SLC30A8: variants seen among roughly 807,000 people sequenced by gnomAD.
The protein encoded by SLC30A8 is solute carrier family 30 member 8.
SLC30A8 carries 27 observed loss-of-function variants against 36.9 expected under a neutral mutation model. The ratio of observed to expected loss-of-function variants is 0.73; its 90% confidence interval spans 0.54 to 1.01. The LOEUF is 1.01. Among genes scored for constraint, SLC30A8 ranks in the 50% least tolerant of loss-of-function variants. The probability of loss-of-function intolerance (pLI) is 0.00; values close to 1 mark genes in which losing one functional copy is unlikely to be tolerated. For synonymous variants in SLC30A8, 164 were observed against 172.4 expected, an observed-to-expected ratio of 0.95 and a Z score of 0.38; for missense variants, 439 against 452.0, an observed-to-expected ratio of 0.97 and a Z score of 0.26.
intron 2 of SLC30A8, chr8:117,129,989 T>G (rs1046020080): frequency 6.6e-6 from 1 of 151,968 alleles, no homozygotes; most frequent in Non-Finnish European, 1.5e-5. Flanking sequence ...AGTTTAGGGT[T>G]GCAAAAGGTG....
At chr8:116,988,276 AG>A (rs1563736400) in intron 1 of SLC30A8, among the ~76,000 whole-genome samples, 1 of 152,222 alleles carries the variant, frequency 6.6e-6, no homozygotes, top group Non-Finnish European at 1.5e-5. Flanking sequence ...AAGATATTTT[AG>A]GGTAAGCTCC....
At chr8:117,119,334 G>GC (rs1286380433) in intron 2 of SLC30A8, among the ~76,000 whole-genome samples, 1 of 151,852 alleles carries the variant, frequency 6.6e-6, no homozygotes, top group Non-Finnish European at 1.5e-5. Context: ...TCTTTGGGGA[G>GC]TCGGTCCATA....
At chr8:116,994,067 A>G (rs1351748947) in intron 1 of SLC30A8, among the ~76,000 whole-genome samples, 1 of 152,008 alleles carries the variant, frequency 6.6e-6, no homozygotes, top group African/African-American at 2.4e-5. Context: ...AAGAAAGAAA[A>G]AAAGCACACT....
At chr8:117,146,345 A>G (rs529705668) in intron 1 of SLC30A8, among the ~76,000 whole-genome samples, 8 of 152,334 alleles carry the variant, frequency 5.3e-5, no homozygotes, top group Admixed American at 5.2e-4. Flanking sequence ...ATGAATCTAA[A>G]TCATGCTTTG....
intron 2 of SLC30A8, among the ~76,000 whole-genome samples, chr8:117,073,912 T>C (rs1282094111): frequency 6.6e-6 from 1 of 151,916 alleles, no homozygotes; most frequent in East Asian, 1.9e-4. Flanking sequence ...CCTGACAGTC[T>C]ACTCATTCTG....
chr8:117,162,929 C>T (rs769817287), intron 5 of SLC30A8, among the ~76,000 whole-genome samples: 11 of 152,182 alleles, frequency 7.2e-5, no homozygotes, highest in Non-Finnish European at 1.3e-4. Context: ...TGAGTATGTG[C>T]AATACTTGAG....
chr8:117,003,200 G>A (rs1243015319), intron 1 of SLC30A8, among the ~76,000 whole-genome samples: 1 of 152,182 alleles, frequency 6.6e-6, no homozygotes, highest in Non-Finnish European at 1.5e-5. Flanking sequence ...TAAGACCACA[G>A]TGGTTAATAT....
intron 2 of SLC30A8, among the ~76,000 whole-genome samples, chr8:117,051,046 A>G (rs1817691226): frequency 6.6e-6 from 1 of 152,250 alleles, no homozygotes; most frequent in South Asian, 2.1e-4. Flanking sequence ...TGGTCAAATA[A>G]GAGTCTCAAA....
At chr8:117,024,792 GT>G (rs200170506) in intron 1 of SLC30A8, among the ~76,000 whole-genome samples, 1 of 151,654 alleles carries the variant, frequency 6.6e-6, no homozygotes, top group Non-Finnish European at 1.5e-5. Flanking sequence ...ATCATTATTT[GT>G]TTTTTTTAAT....
chr8:117,006,772 ATTTTTTTTTTTT>A (rs71305456), intron 1 of SLC30A8, among the ~76,000 whole-genome samples: 46 of 78,966 alleles, frequency 5.8e-4, no homozygotes, highest in Admixed American at 1.7e-4. Context: ...GAGTCAGGTA[ATTTTTTTTTTTT>A]TTTTTTTTTT....
intron 1 of SLC30A8, among the ~76,000 whole-genome samples, chr8:116,958,840 CAT>C (rs1814309670): frequency 2.8e-5 from 2 of 72,698 alleles, no homozygotes; most frequent in African/African-American, 1.1e-4. Context: ...ATGCTCTTTT[CAT>C]TTTTTTTTTT....
rs779785075 is a variant in SLC30A8, at chr8:116,990,436, C to T, written c.-266+39317C>T. 1.3e-4 allele frequency among the ~76,000 whole-genome samples: 20 copies of T among 152,276 alleles called. No individual in the cohort carries two copies. In the South Asian group the frequency reaches 3.9e-3, roughly 30 times the overall value. On this transcript the variant is annotated intron_variant, in intron 1 of 10. Transcript: ENST00000427715. Reference sequence around the variant, plus strand: ...TTTCCGATATCATGTAGCCTCTTCACCTTGTTGTATTTCTCCCTAAAACTT... The same window carrying T: ...TTTCCGATATCATGTAGCCTCTTCATCTTGTTGTATTTCTCCCTAAAACTT...
chr8:117,061,745 C>G (rs535493495), intron 2 of SLC30A8, among the ~76,000 whole-genome samples: 7 of 152,220 alleles, frequency 4.6e-5, no homozygotes, highest in Admixed American at 1.3e-4. Context: ...CAGCTATCAG[C>G]TTTGTCTGTG....
chr8:116,960,026 C>G (rs1328459932), intron 1 of SLC30A8, among the ~76,000 whole-genome samples: 1 of 152,208 alleles, frequency 6.6e-6, no homozygotes, highest in African/African-American at 2.4e-5. Flanking sequence ...TGCATTGAAG[C>G]CTCGAACTTC....
chr8:116,955,848 A>G (rs1814178779), intron 1 of SLC30A8, among the ~76,000 whole-genome samples: 1 of 152,158 alleles, frequency 6.6e-6, no homozygotes, highest in South Asian at 2.1e-4. Flanking sequence ...CAGAGGACTA[A>G]CCCTGCTGAC....
At chr8:116,992,630 C>T (rs1238341754) in intron 1 of SLC30A8, among the ~76,000 whole-genome samples, 2 of 152,064 alleles carry the variant, frequency 1.3e-5, no homozygotes, top group Non-Finnish European at 2.9e-5. Context: ...TGCAGTCTCT[C>T]TATGAGGAGC....
At chr8:117,025,203 T>G (rs979456735) in intron 1 of SLC30A8, among the ~76,000 whole-genome samples, 1 of 152,202 alleles carries the variant, frequency 6.6e-6, no homozygotes, top group Non-Finnish European at 1.5e-5. Context: ...TAATGTGTGC[T>G]CCATGAAACA....
Position 117,020,258 on chromosome 8 carries a change from A to G in SLC30A8, c.-265-18961A>G, listed in dbSNP as rs1418576621. On this transcript the variant is annotated intron_variant, in intron 1 of 10. Transcript: ENST00000427715. ...TAATTTTTAAATAAATGGAAATTTT[A>G]TAGGCCCATTCTACAATGAAAAGCC... Among the ~76,000 whole-genome samples the G allele has an allele frequency of 2.6e-5, 4 of 152,238 alleles. No homozygotes were observed. In the East Asian group the frequency reaches 7.7e-4, roughly 29 times the overall value.
chr8:117,059,484 T>C (rs934465760), intron 2 of SLC30A8, among the ~76,000 whole-genome samples: 1 of 152,210 alleles, frequency 6.6e-6, no homozygotes, highest in Non-Finnish European at 1.5e-5. Flanking sequence ...AGTAATGAGC[T>C]GTGGAAAGAA....
Sources: allele counts gnomAD v4.1 joint callset (sites outside exome capture counted in the v4.1 genomes callset), GRCh38; gene constraint gnomAD v4.1.1; transcripts MANE v1.5; gene names NCBI Gene and HGNC (gene_info 2026-07-23, HGNC 2026-07-21).